Variants in NRK observed in about 807,000 individuals in gnomAD.
NRK encodes Nik related kinase, also known as nik-related protein kinase.
In NRK, 67 loss-of-function variants were observed where a neutral mutation model predicts 125.2. The ratio of observed to expected loss-of-function variants is 0.54; its 90% CI spans 0.44 to 0.66. The LOEUF is 0.66. Among genes scored for constraint, NRK ranks in the 30% least tolerant of loss-of-function variants. The pLI is 0.00. For missense variants in NRK, 1,224 were observed against 1,192.9 expected, an observed-to-expected ratio of 1.03 and a Z score of -0.38; for synonymous variants, 458 against 429.0, an observed-to-expected ratio of 1.07 and a Z score of -0.84.
Position 105,908,799 on chromosome X carries a change from TG to T in NRK, c.1162del (p.Glu388AsnfsTer42), listed in dbSNP as rs1328508612. On this transcript the variant is annotated frameshift_variant, in exon 13 of 29. Coordinates refer to ENST00000243300, the MANE Select transcript of NRK (RefSeq NM_198465.4). LOFTEE classifies it high-confidence loss of function. The stretch of plus-strand genomic sequence containing the variant: ...GATGCAGACCACTTAGAGTCCTGCA[TG>T]GGGAACCCTCTCAGCCAAGGTGGCT... ...SRCRPLRVLH[G>X]EPSQPRWLPD... 1.7e-6 allele frequency: 2 copies of T among 1,211,126 alleles called. No individual in the cohort carries two copies. The highest frequency in any genetic ancestry group is 4.3e-5 in the Admixed American group (2 of 46,000).
chrX:105,882,977 A>C (rs1248732170), intron 4 of NRK, among the ~76,000 whole-genome samples: 1 of 112,321 alleles, frequency 8.9e-6, no homozygotes, highest in Admixed American at 9.4e-5. Flanking sequence ...TTGATTCTAG[A>C]ATTGGATGAA....
At chrX:105,949,516 G>T in intron 26 of NRK, 59 bp from the exon 27 acceptor site, 1 of 963,239 alleles carries the variant, frequency 1.0e-6, no homozygotes, top group South Asian at 2.3e-5. Flanking sequence ...AAGCTGCTTC[G>T]ATTAAAGTAG....
intron 2 of NRK, among the ~76,000 whole-genome samples, chrX:105,842,537 G>C (rs2039343990): frequency 1.8e-5 from 2 of 111,823 alleles, no homozygotes; most frequent in African/African-American, 6.5e-5. Context: ...GTTTCTGATT[G>C]GTAGGAATTT....
At chrX:105,926,712 G>A (rs2040528635) in intron 19 of NRK, among the ~76,000 whole-genome samples, 1 of 110,513 alleles carries the variant, frequency 9.0e-6, no homozygotes, top group East Asian at 2.8e-4. Context: ...TTTGCATATG[G>A]ATATTTAGTT....
intron 23 of NRK, among the ~76,000 whole-genome samples, chrX:105,940,500 T>G (rs2040725786): frequency 9.0e-6 from 1 of 110,956 alleles, no homozygotes; most frequent in African/African-American, 3.3e-5. Context: ...CTCCTAATAC[T>G]GTCCAGGAAA....
chrX:105,939,791 G>A, intron 22 of NRK, 83 bp from the exon 23 acceptor site: 1 of 580,657 alleles, frequency 1.7e-6, no homozygotes, highest in Admixed American at 4.9e-5. Context: ...ATTTTTAAAA[G>A]GCAAAATATC....
Position 105,953,108 on chromosome X carries a change from C to T in NRK, c.4588C>T (p.Leu1530=). 8.3e-7 allele frequency: 1 copy of T among 1,197,888 alleles called. No homozygotes were observed. The highest frequency in any genetic ancestry group is 1.1e-6 in the Non-Finnish European group (1 of 886,906). Reference sequence around the variant, plus strand: ...AGTGCGCTCTTTGCAATCCAGGGTTCTGGAAAGTGAGCTGAAGCGCAGGTC... The same window carrying T: ...AGTGCGCTCTTTGCAATCCAGGGTTTTGGAAAGTGAGCTGAAGCGCAGGTC... ...IEVRSLQSRV[L]ESELKRRSIK... is the part of the protein sequence containing the mutation. The change falls in exon 28 of 29, where the codon CTG becomes TTG. Residue 1530 remains leucine (L), a synonymous_variant. Coordinates refer to ENST00000243300, the MANE Select transcript of NRK (RefSeq NM_198465.4).
At chrX:105,902,988 G>A (rs1333471817) in intron 9 of NRK, among the ~76,000 whole-genome samples, 2 of 111,399 alleles carry the variant, frequency 1.8e-5, no homozygotes, top group Non-Finnish European at 3.8e-5. Context: ...TCAGTCCCTA[G>A]TTTCTGGGTA....
At chrX:105,833,283 C>A (rs746732530) in intron 2 of NRK, among the ~76,000 whole-genome samples, 59 of 111,465 alleles carry the variant, frequency 5.3e-4, no homozygotes, top group Admixed American at 5.7e-4. Flanking sequence ...TCAATTCCAT[C>A]CTGTACTGAA....
At chrX:105,887,407 A>T (rs2039961460) in intron 4 of NRK, among the ~76,000 whole-genome samples, 1 of 112,207 alleles carries the variant, frequency 8.9e-6, no homozygotes, top group South Asian at 3.7e-4. Flanking sequence ...GAATGGTTAT[A>T]ATAATAAAAC....
At chrX:105,824,447 A>G (rs2039064720) in intron 1 of NRK, among the ~76,000 whole-genome samples, 1 of 110,876 alleles carries the variant, frequency 9.0e-6, no homozygotes, top group African/African-American at 3.3e-5. Context: ...GGGAAAAGAG[A>G]AAAAAAGCAA....
intron 9 of NRK, among the ~76,000 whole-genome samples, chrX:105,904,726 C>T (rs1057208951): frequency 4.5e-5 from 5 of 111,163 alleles, no homozygotes; most frequent in African/African-American, 1.6e-4. Context: ...TAGGTTTGAA[C>T]GCAGATGATC....
At chrX:105,871,962 T>C (rs2039753776) in intron 2 of NRK, among the ~76,000 whole-genome samples, 1 of 111,749 alleles carries the variant, frequency 8.9e-6, no homozygotes, top group Non-Finnish European at 1.9e-5. Flanking sequence ...ACCTGAAAGT[T>C]GTAGCAGCTT....
intron 2 of NRK, among the ~76,000 whole-genome samples, chrX:105,834,464 T>C (rs1301320989): frequency 9.0e-6 from 1 of 110,558 alleles, no homozygotes; most frequent in Non-Finnish European, 1.9e-5. Flanking sequence ...TGTGTGTGTG[T>C]GTGTGTGTTG....
chrX:105,921,321 G>T (rs1432472827), intron 16 of NRK, among the ~76,000 whole-genome samples: 3 of 100,184 alleles, frequency 3.0e-5, no homozygotes, highest in Non-Finnish European at 6.1e-5. Context: ...TCACACTCTG[G>T]GGACTGTTGT....
chrX:105,843,312 A>G, intron 2 of NRK, among the ~76,000 whole-genome samples: 1 of 112,385 alleles, frequency 8.9e-6, no homozygotes, highest in Non-Finnish European at 1.9e-5. Context: ...TGGGACTAGC[A>G]CAATACCTTA....
intron 16 of NRK, among the ~76,000 whole-genome samples, chrX:105,919,797 T>A (rs1311778062): frequency 2.7e-5 from 3 of 111,871 alleles, no homozygotes; most frequent in Non-Finnish European, 5.6e-5. Context: ...ATATTAGCCC[T>A]TTGTCAGATG....
chrX:105,939,895 T>A lies in NRK; in HGVS notation c.3821T>A (p.Val1274Glu). 8.5e-7 allele frequency: 1 copy of A among 1,180,944 alleles called. No homozygotes were observed. Among genetic ancestry groups the A allele is most frequent in the Non-Finnish European group, 1.1e-6 (1 of 869,882 alleles). Residue 1274 changes from valine (V) to glutamate (E), a missense_variant, in exon 23 of 29, where the codon GTG (valine) becomes GAG (glutamate). Physicochemically the swap from Val to Glu is moderately radical, Grantham distance 121. Coordinates refer to ENST00000243300, the MANE Select transcript of NRK (RefSeq NM_198465.4). ...TISGHKNRLR[V>E]YHLTWLRNKI... The stretch of plus-strand genomic sequence containing the variant: ...TCAGGTCATAAGAACAGACTTCGGG[T>A]GTATCATCTGACCTGGTTGAGGAAC...
chrX:105,909,877 G>A lies in NRK; in HGVS notation c.2236G>A (p.Asp746Asn), dbSNP rs760195464. ...GCATGAGGAAGAATTGAGACAAGTTGATAAAGTAAGAATTTTTGATATTTT... is the reference window on the plus strand; with the variant it reads ...GCATGAGGAAGAATTGAGACAAGTTAATAAAGTAAGAATTTTTGATATTTT... ...NQHEEELRQV[D>N]KDKEDESSDN... The change falls in exon 13 of 29, where the codon GAT becomes AAT. Residue 746 changes from aspartate (D) to asparagine (N), a missense_variant. Physicochemically the swap from Asp to Asn is conservative, Grantham distance 23 (BLOSUM62 1). Coordinates refer to ENST00000243300, the MANE Select transcript of NRK (RefSeq NM_198465.4). 2.7e-6 allele frequency: 3 copies of A among 1,119,240 alleles called. No homozygotes were observed. In the South Asian group the frequency reaches 6.4e-5, roughly 24 times the overall value. The allele number at this position is 1,119,240 out of a possible 1,213,427, so 92.2% of individuals were successfully genotyped here. A position where few individuals can be genotyped will look rare whatever the true frequency, so the allele number is the denominator to read the frequency against.
Sources: gnomAD v4.1 joint callset for allele counts (sites outside exome capture counted in the v4.1 genomes callset) on GRCh38, gnomAD v4.1.1 for gene constraint, MANE v1.5 for transcripts, NCBI Gene and HGNC (gene_info 2026-07-23, HGNC 2026-07-21) for gene names.